LRRC4C: variants seen among roughly 807,000 people sequenced by gnomAD.
LRRC4C encodes the protein leucine rich repeat containing 4C.
A neutral mutation model predicts 33.6 loss-of-function variants in LRRC4C; 5 were observed. That is an observed-to-expected ratio of 0.15 (90% CI 0.08 to 0.31). The LOEUF is 0.31. Ranked by LOEUF, LRRC4C falls within the 10% of genes least tolerant of loss-of-function variation. The pLI is 1.00. For synonymous variants in LRRC4C, 329 were observed against 302.0 expected (o/e 1.09, Z -0.93); for missense variants, 560 against 796.7 (o/e 0.70, Z 3.58).
At chr11:40,260,644 G>A (rs1212772087) in intron 4 of LRRC4C, among the ~76,000 whole-genome samples, 1 of 152,034 alleles carries the variant, frequency 6.6e-6, no homozygotes, top group Non-Finnish European at 1.5e-5. Context: ...CCCGTCCAAG[G>A]AGCTAAGAAA....
chr11:40,732,266 C>A (rs958318721), intron 2 of LRRC4C, among the ~76,000 whole-genome samples: 22 of 152,106 alleles, frequency 1.4e-4, no homozygotes, highest in Non-Finnish European at 2.9e-5. Context: ...CCAGCTAACT[C>A]AAATTGTAGC....
chr11:41,184,436 C>T (rs1344952252), intron 1 of LRRC4C, among the ~76,000 whole-genome samples: 1 of 152,060 alleles, frequency 6.6e-6, no homozygotes, highest in Non-Finnish European at 1.5e-5. Context: ...TTCAAAGTTC[C>T]ACAAATCTCT....
intron 3 of LRRC4C, chr11:40,446,368 G>C (rs1311860968): frequency 6.6e-6 from 1 of 152,058 alleles, no homozygotes; most frequent in Non-Finnish European, 1.5e-5. Flanking sequence ...AACTCCTCAT[G>C]CCTCATTACC....
intron 2 of LRRC4C, among the ~76,000 whole-genome samples, chr11:40,739,735 C>A (rs181955090): frequency 6.6e-6 from 1 of 152,034 alleles, no homozygotes; most frequent in African/African-American, 2.4e-5. Context: ...CACACTCTCT[C>A]CTGCTTTCTT....
chr11:40,460,114 T>G (rs981150168), intron 3 of LRRC4C, among the ~76,000 whole-genome samples: 10 of 152,104 alleles, frequency 6.6e-5, no homozygotes, highest in African/African-American at 2.4e-4. Flanking sequence ...CCACAAAAAC[T>G]TCAATCCTAC....
At chr11:41,375,532 T>C (rs186739756) in intron 1 of LRRC4C, among the ~76,000 whole-genome samples, 4 of 152,320 alleles carry the variant, frequency 2.6e-5, no homozygotes, top group African/African-American at 7.2e-5. Context: ...TTCTGGCCAA[T>C]GTTCAGTGTG....
intron 2 of LRRC4C, among the ~76,000 whole-genome samples, chr11:40,723,614 G>T (rs1276143968): frequency 1.3e-5 from 2 of 152,028 alleles, no homozygotes; most frequent in African/African-American, 4.8e-5. Flanking sequence ...AGGGATTTCT[G>T]ACTATGGAAA....
At chr11:41,143,626 A>G (rs1204903603) in intron 1 of LRRC4C, among the ~76,000 whole-genome samples, 1 of 152,162 alleles carries the variant, frequency 6.6e-6, no homozygotes, top group East Asian at 1.9e-4. Context: ...CCAAAAATAA[A>G]GACATTTGAA....
chr11:40,143,011 A>G (rs1396493569), intron 5 of LRRC4C, among the ~76,000 whole-genome samples: 2 of 152,190 alleles, frequency 1.3e-5, no homozygotes, highest in Non-Finnish European at 2.9e-5. Context: ...CATTTCAGGA[A>G]TGATTTTTCT....
chr11:41,424,815 C>A (rs1954984975), intron 1 of LRRC4C, among the ~76,000 whole-genome samples: 1 of 151,984 alleles, frequency 6.6e-6, no homozygotes, highest in African/African-American at 2.4e-5. Context: ...TAGTGTCATG[C>A]TTCCCCAAGG....
chr11:40,448,018 T>G (rs1951717909), intron 3 of LRRC4C, among the ~76,000 whole-genome samples: 1 of 152,064 alleles, frequency 6.6e-6, no homozygotes, highest in South Asian at 2.1e-4. Context: ...GGTTTCACCA[T>G]GTTGGCCAAG....
At chr11:40,230,667 C>T (rs1021472936) in intron 5 of LRRC4C, among the ~76,000 whole-genome samples, 3 of 152,026 alleles carry the variant, frequency 2.0e-5, no homozygotes, top group East Asian at 1.9e-4. Context: ...CTACAGATTG[C>T]CAAAAATCCG....
intron 3 of LRRC4C, among the ~76,000 whole-genome samples, chr11:40,510,564 T>C (rs1161290339): frequency 3.3e-5 from 5 of 152,306 alleles, no homozygotes; most frequent in South Asian, 2.1e-4. Flanking sequence ...TGCCATTAGC[T>C]AAACAGCATA....
chr11:40,413,999 T>C (rs1212626425), intron 3 of LRRC4C, among the ~76,000 whole-genome samples: 2 of 152,134 alleles, frequency 1.3e-5, no homozygotes, highest in Non-Finnish European at 2.9e-5. Flanking sequence ...TTCATCATTT[T>C]GTGTCAATCT....
At chr11:40,843,740 A>C (rs1953022523) in intron 2 of LRRC4C, among the ~76,000 whole-genome samples, 1 of 152,182 alleles carries the variant, frequency 6.6e-6, no homozygotes, top group Non-Finnish European at 1.5e-5. Context: ...TTTTAGAAAT[A>C]TTTATCTCAC....
At chr11:41,270,919 C>T (rs147444121) in intron 1 of LRRC4C, among the ~76,000 whole-genome samples, 1,775 of 152,132 alleles carry the variant, frequency 0.012, 45 homozygotes, top group Admixed American at 0.056. Context: ...TGCTGGAAAT[C>T]CTAGACTCAC....
At chr11:40,832,827 T>C (rs1952480546) in intron 2 of LRRC4C, among the ~76,000 whole-genome samples, 1 of 152,120 alleles carries the variant, frequency 6.6e-6, no homozygotes, top group Admixed American at 6.6e-5. Context: ...GTAAAACAAT[T>C]TGGCACATTA....
At chr11:40,590,304 C>A (rs1958979144) in intron 3 of LRRC4C, among the ~76,000 whole-genome samples, 1 of 150,612 alleles carries the variant, frequency 6.6e-6, no homozygotes, top group Non-Finnish European at 1.5e-5. Context: ...TCACATAGTT[C>A]TCGAGCCTTG....
intron 2 of LRRC4C, among the ~76,000 whole-genome samples, chr11:40,705,628 C>A (rs1946127126): frequency 2.0e-5 from 3 of 151,852 alleles, no homozygotes; most frequent in Non-Finnish European, 2.9e-5. Flanking sequence ...TGGGTTGGTT[C>A]CAAGTCTTTG....
Sources: gnomAD v4.1 joint callset for allele counts (sites outside exome capture counted in the v4.1 genomes callset) on GRCh38, gnomAD v4.1.1 for gene constraint, MANE v1.5 for transcripts, NCBI Gene and HGNC (gene_info 2026-07-23, HGNC 2026-07-21) for gene names.